The following SOX6 variants were observed in gnomAD, a reference collection of about 807,000 sequenced individuals.
The protein encoded by SOX6 is transcription factor SOX-6.
Under a neutral mutation model 97.8 loss-of-function variants are expected in SOX6, and 11 were observed. The observed-to-expected ratio is 0.11, with a 90% CI of 0.07 to 0.19. The LOEUF is 0.19. SOX6 is among the 10% of genes least tolerant of loss of function. SOX6 has a pLI of 1.00. For synonymous variants in SOX6, 360 were observed against 371.4 expected, an observed-to-expected ratio of 0.97 and a Z score of 0.35; for missense variants, 810 against 1,039.5, an observed-to-expected ratio of 0.78 and a Z score of 3.04.
chr11:16,120,668 T>C (rs1172827652), intron 6 of SOX6, among the ~76,000 whole-genome samples: 1 of 151,936 alleles, frequency 6.6e-6, no homozygotes, highest in Non-Finnish European at 1.5e-5. Flanking sequence ...GAGTTCTCTT[T>C]TCTAATTTTG....
At chr11:16,082,433 T>G (rs1226276734) in intron 9 of SOX6, among the ~76,000 whole-genome samples, 1 of 152,196 alleles carries the variant, frequency 6.6e-6, no homozygotes, top group African/African-American at 2.4e-5. Context: ...ACTTCTTGCT[T>G]CATTATTTGG....
chr11:16,043,461 T>C (rs190282181), intron 12 of SOX6, among the ~76,000 whole-genome samples: 4 of 152,118 alleles, frequency 2.6e-5, no homozygotes, highest in African/African-American at 9.7e-5. Context: ...CGACAATGAC[T>C]CCACTGGTGC....
chr11:16,391,952 A>G (rs1858198494), intron 1 of SOX6, among the ~76,000 whole-genome samples: 1 of 151,808 alleles, frequency 6.6e-6, no homozygotes, highest in African/African-American at 2.4e-5. Flanking sequence ...GAGAATATTT[A>G]AATTGGAAAT....
At chr11:16,492,449 G>A (rs981291949) in intron 4 of SOX6, among the ~76,000 whole-genome samples, 1 of 152,284 alleles carries the variant, frequency 6.6e-6, no homozygotes, top group Admixed American at 6.5e-5. Context: ...AGCTCACCTT[G>A]GGAGATGGGG....
chr11:16,173,750 A>G (rs1851104710), intron 6 of SOX6, among the ~76,000 whole-genome samples: 1 of 151,342 alleles, frequency 6.6e-6, no homozygotes, highest in Non-Finnish European at 1.5e-5. Context: ...AAATAACTTT[A>G]CTACTCAAAG....
rs116058352 is a variant in SOX6, at chr11:16,076,716, G to C, written c.1101+19280C>G. ...ATGTCTGGAACAAGAGGAAGAGAGA[G>C]AAGGGGGAGGTACTACACATTTTTT... On this transcript the variant is annotated intron_variant, in intron 9 of 15. Coordinates refer to ENST00000683767, the MANE Select transcript of SOX6 (RefSeq NM_001367873.1). Among the ~76,000 whole-genome samples, 492 of 148,374 alleles carry C rather than the reference G, an allele frequency of 3.3e-3. 2 individuals are homozygous for C. Among genetic ancestry groups the C allele is most frequent in the African/African-American group, 0.011 (461 of 40,432 alleles).
chr11:16,533,984 G>T (rs1861273658), intron 4 of SOX6, among the ~76,000 whole-genome samples: 1 of 152,112 alleles, frequency 6.6e-6, no homozygotes, highest in East Asian at 1.9e-4. Flanking sequence ...TGTCTCAAAA[G>T]CACATAAAGT....
At chr11:16,495,371 A>G (rs1413557070) in intron 4 of SOX6, among the ~76,000 whole-genome samples, 1 of 152,138 alleles carries the variant, frequency 6.6e-6, no homozygotes, top group Non-Finnish European at 1.5e-5. Flanking sequence ...ACTAGTGCCC[A>G]TATGTACCAC....
intron 3 of SOX6, among the ~76,000 whole-genome samples, chr11:16,664,781 A>G (rs1021350702): frequency 1.3e-5 from 2 of 151,932 alleles, no homozygotes; most frequent in African/African-American, 2.4e-5. Flanking sequence ...CAGGTCCAGG[A>G]AAGACTACTT....
chr11:16,607,979 G>A lies in SOX6; in HGVS notation n.609+4102C>T, dbSNP rs1433840772. 3.9e-5 allele frequency among the ~76,000 whole-genome samples: 6 copies of A among 152,210 alleles called. No homozygotes were observed. Among genetic ancestry groups the A allele is most frequent in the Admixed American group, 1.3e-4 (2 of 15,298 alleles). Reference sequence around the variant, plus strand: ...GGCAGAGACATCGGCGAGACCAGAGGTTGGAACTGGGGAAAGCGCCTGGAA... The same window carrying A: ...GGCAGAGACATCGGCGAGACCAGAGATTGGAACTGGGGAAAGCGCCTGGAA... On this transcript the variant is annotated intron_variant and non_coding_transcript_variant, in intron 4 of 5. Transcript: ENST00000524520. The surrounding 1 kb of genome is among the most constrained non-coding windows in gnomAD (Gnocchi z 6.5).
chr11:16,420,543 T>C (rs1200286061), intron 1 of SOX6, among the ~76,000 whole-genome samples: 1 of 152,190 alleles, frequency 6.6e-6, no homozygotes, highest in Non-Finnish European at 1.5e-5. Flanking sequence ...CTTTCTGATC[T>C]AACGTTAACC....
intron 3 of SOX6, among the ~76,000 whole-genome samples, chr11:16,250,154 C>T (rs897198286): frequency 1.3e-5 from 2 of 152,104 alleles, no homozygotes; most frequent in Admixed American, 1.3e-4. Flanking sequence ...TCAGCAGTGG[C>T]GTTTGATTCT....
At chr11:16,146,557 G>A (rs1459787014) in intron 6 of SOX6, among the ~76,000 whole-genome samples, 2 of 152,086 alleles carry the variant, frequency 1.3e-5, no homozygotes, top group African/African-American at 4.8e-5. Context: ...TCATCAGAGT[G>A]AACAGGCAAC....
intron 4 of SOX6, among the ~76,000 whole-genome samples, chr11:16,201,036 G>T (rs1851920823): frequency 6.6e-6 from 1 of 151,456 alleles, no homozygotes; most frequent in Admixed American, 6.6e-5. Flanking sequence ...AGAATTGCTT[G>T]AACCCAGGAG....
At chr11:16,466,737 C>T (rs1183435054) in intron 1 of SOX6, among the ~76,000 whole-genome samples, 60 of 150,266 alleles carry the variant, frequency 4.0e-4, no homozygotes, top group African/African-American at 1.4e-3. Flanking sequence ...GAGACCATCC[C>T]GGCTAAAACG....
At chr11:15,983,086 A>T (rs556030523) in intron 15 of SOX6, among the ~76,000 whole-genome samples, 1 of 152,184 alleles carries the variant, frequency 6.6e-6, no homozygotes, top group South Asian at 2.1e-4. Context: ...TTCTGTACAC[A>T]TGAGTTTCAG....
chr11:16,080,063 C>T (rs921179537), intron 9 of SOX6, among the ~76,000 whole-genome samples: 4 of 149,718 alleles, frequency 2.7e-5, no homozygotes, highest in African/African-American at 7.4e-5. Flanking sequence ...GAAAATTGCA[C>T]ATGTACCCTA....
chr11:16,331,395 C>T (rs543405638), intron 2 of SOX6, among the ~76,000 whole-genome samples: 1 of 152,204 alleles, frequency 6.6e-6, no homozygotes, highest in East Asian at 1.9e-4. Flanking sequence ...AGAAGAGAGT[C>T]AAGAGAACAG....
chr11:16,484,676 G>A (rs1163248947), intron 4 of SOX6: 35 of 619,182 alleles, frequency 5.7e-5, no homozygotes, highest in South Asian at 3.5e-5. Flanking sequence ...GGCCATGGCT[G>A]CTGCGCTCCC....
Sources: allele counts gnomAD v4.1 joint callset (sites outside exome capture counted in the v4.1 genomes callset), GRCh38; gene constraint gnomAD v4.1.1; non-coding constraint Gnocchi (gnomAD v3.1); transcripts MANE v1.5; gene names NCBI Gene and HGNC (gene_info 2026-07-23, HGNC 2026-07-21).